ALK: variants seen among roughly 807,000 people sequenced by gnomAD.
ALK encodes ALK receptor tyrosine kinase, also known as ALK tyrosine kinase receptor.
A neutral mutation model predicts 163.1 loss-of-function variants in ALK; 74 were observed. The observed-to-expected ratio is 0.45, with a 90% CI of 0.38 to 0.55. The LOEUF is 0.55. Ranked by LOEUF, ALK falls within the 20% of genes least tolerant of loss-of-function variation. The pLI is 0.00. For synonymous variants in ALK, 960 were observed against 843.2 expected (o/e 1.14, Z -2.40); for missense variants, 2,063 against 2,105.3 (o/e 0.98, Z 0.39).
intron 3 of ALK, among the ~76,000 whole-genome samples, chr2:29,675,247 TGCTTTTGTAATTAAATTTTTTATG>T (rs1387235992): frequency 6.6e-6 from 1 of 152,112 alleles, no homozygotes; most frequent in Non-Finnish European, 1.5e-5. Flanking sequence ...AAATATACAT[TGCTTTTGTAATTAAATTTTTTATG>T]GATCCATCCT....
chr2:29,394,546 T>G (rs1669257787), intron 4 of ALK, among the ~76,000 whole-genome samples: 1 of 151,152 alleles, frequency 6.6e-6, no homozygotes, highest in Non-Finnish European at 1.5e-5. Context: ...GGGGAGAGAG[T>G]GTGGATGGTG....
In ALK at chr2:29,895,100, G is replaced by T. The variant is rs561642684; in HGVS notation, c.667+24893C>A. ...TATCCATAATGTGTTTTTGAATCAG[G>T]TCTTAAAACTTAATGTAGCTTTTAT... On this transcript the variant is annotated intron_variant, in intron 1 of 28. Coordinates refer to ENST00000389048, the MANE Select transcript of ALK (RefSeq NM_004304.5). 1.5e-4 allele frequency among the ~76,000 whole-genome samples: 23 copies of T among 152,264 alleles called. No individual in the cohort carries two copies. The South Asian group carries it at 4.3e-3, about 29-fold the overall frequency.
At chr2:29,643,108 G>A (rs902243814) in intron 3 of ALK, among the ~76,000 whole-genome samples, 18 of 152,014 alleles carry the variant, frequency 1.2e-4, no homozygotes, top group Non-Finnish European at 2.4e-4. Context: ...AGATAAAATG[G>A]TATGGGGGAA....
At chr2:29,496,139 A>G (rs992153789) in intron 4 of ALK, among the ~76,000 whole-genome samples, 1 of 152,216 alleles carries the variant, frequency 6.6e-6, no homozygotes, top group Non-Finnish European at 1.5e-5. Context: ...GGTATTTTTA[A>G]ACACTGTAAT....
chr2:29,693,370 GA>G (rs1233228958), intron 3 of ALK, among the ~76,000 whole-genome samples: 1 of 149,088 alleles, frequency 6.7e-6, no homozygotes, highest in Non-Finnish European at 1.5e-5. Context: ...ATATCCAGAA[GA>G]ATTCTGATGC....
chr2:29,854,045 G>A (rs1666077075), intron 1 of ALK, among the ~76,000 whole-genome samples: 1 of 151,900 alleles, frequency 6.6e-6, no homozygotes, highest in Non-Finnish European at 1.5e-5. Context: ...GAGTAGCTGG[G>A]ATTATGGGTT....
chr2:29,431,291 T>C (rs960004318), intron 4 of ALK, among the ~76,000 whole-genome samples: 6 of 152,172 alleles, frequency 3.9e-5, no homozygotes, highest in Admixed American at 2.0e-4. Flanking sequence ...GAGTCATTAA[T>C]GTTAATGTGT....
chr2:29,212,641 C>T (rs1195203477), intron 24 of ALK, among the ~76,000 whole-genome samples: 5 of 152,200 alleles, frequency 3.3e-5, no homozygotes, highest in Non-Finnish European at 7.3e-5. Context: ...CCTCTCATTT[C>T]CCCATTTTTA....
At chr2:29,244,408 T>A (rs1276025859) in intron 12 of ALK, among the ~76,000 whole-genome samples, 7 of 152,156 alleles carry the variant, frequency 4.6e-5, no homozygotes, top group African/African-American at 1.4e-4. Context: ...TATATAGTTG[T>A]ATTATCCAGA....
chr2:29,828,500 A>C (rs1665263668), intron 1 of ALK, among the ~76,000 whole-genome samples: 1 of 152,134 alleles, frequency 6.6e-6, no homozygotes, highest in African/African-American at 2.4e-5. Flanking sequence ...AAAGTGGGCG[A>C]AGGATATGAA....
intron 2 of ALK, among the ~76,000 whole-genome samples, chr2:29,705,235 AAAGAAATATATAT>A (rs1219659089): frequency 6.4e-4 from 73 of 114,156 alleles, no homozygotes; most frequent in South Asian, 2.8e-3. Flanking sequence ...AAAGAAAAGA[AAAGAAATATATAT>A]ATATATATAT....
At chr2:29,318,507 T>C (rs1200245851) in intron 7 of ALK, 103 bp from the exon 8 acceptor site, 1 of 818,236 alleles carries the variant, frequency 1.2e-6, no homozygotes, top group Non-Finnish European at 2.1e-6. Context: ...AGCCTAGGGA[T>C]ATCTTTGAGG....
intron 3 of ALK, among the ~76,000 whole-genome samples, chr2:29,622,386 A>C (rs549589054): frequency 1.3e-5 from 2 of 152,278 alleles, no homozygotes; most frequent in East Asian, 3.9e-4. Context: ...TGGCAGCGGC[A>C]AGAGAAAATA....
At chr2:29,602,934 G>A (rs1388522048) in intron 3 of ALK, among the ~76,000 whole-genome samples, 1 of 152,126 alleles carries the variant, frequency 6.6e-6, no homozygotes, top group African/African-American at 2.4e-5. Context: ...ACATATTAAG[G>A]GGACATAAGA....
chr2:29,866,024 T>G (rs144302358), intron 1 of ALK, among the ~76,000 whole-genome samples: 13 of 152,216 alleles, frequency 8.5e-5, no homozygotes, highest in East Asian at 7.8e-4. Flanking sequence ...TCTTCAGTGT[T>G]TTTTGTTTTT....
rs911798589 is a variant in ALK, at chr2:29,373,489, T to C, written c.1282+10243A>G. On this transcript the variant is annotated intron_variant, in intron 5 of 28. Transcript: ENST00000389048. ...AAGTAATTTTCTTCTGGGAGTACAA[T>C]GACCTCGGCACACTCATTCTTTATT... Among the ~76,000 whole-genome samples, 5 of 152,208 alleles carry C rather than the reference T, an allele frequency of 3.3e-5. No individual in the cohort carries two copies. The East Asian group carries it at 7.7e-4, about 23-fold the overall frequency.
At chr2:29,677,409 G>A (rs1228370676) in intron 3 of ALK, among the ~76,000 whole-genome samples, 2 of 151,696 alleles carry the variant, frequency 1.3e-5, no homozygotes, top group African/African-American at 4.8e-5. Context: ...TTGTTTGTTA[G>A]GTATGGGTAT....
intron 3 of ALK, among the ~76,000 whole-genome samples, chr2:29,640,930 T>C (rs545494710): frequency 6.6e-6 from 1 of 152,086 alleles, no homozygotes; most frequent in Admixed American, 6.5e-5. Flanking sequence ...GTATTATGAA[T>C]AGAAAGAAGA....
At chr2:29,371,176 T>C (rs958637663) in intron 5 of ALK, among the ~76,000 whole-genome samples, 2 of 152,222 alleles carry the variant, frequency 1.3e-5, no homozygotes, top group African/African-American at 4.8e-5. Context: ...TGTCTGCCAA[T>C]GTTTCCTCCC....
Sources: gnomAD v4.1 joint callset for allele counts (sites outside exome capture counted in the v4.1 genomes callset) on GRCh38, gnomAD v4.1.1 for gene constraint, MANE v1.5 for transcripts, NCBI Gene and HGNC (gene_info 2026-07-23, HGNC 2026-07-21) for gene names.